The following MID1 variants were observed in gnomAD, a reference collection of about 807,000 sequenced individuals.
MID1 encodes E3 ubiquitin-protein ligase Midline-1.
MID1 carries 7 observed loss-of-function variants against 40.4 expected under a neutral mutation model. The ratio of observed to expected loss-of-function variants is 0.17; its 90% confidence interval spans 0.10 to 0.33. The LOEUF is 0.33. Ranked by LOEUF, MID1 falls within the 10% of genes least tolerant of loss-of-function variation. The pLI is 1.00. For missense variants in MID1, 367 were observed against 558.5 expected, an observed-to-expected ratio of 0.66 and a Z score of 3.46; for synonymous variants, 229 against 221.2, an observed-to-expected ratio of 1.04 and a Z score of -0.31.
intron 1 of MID1, among the ~76,000 whole-genome samples, chrX:10,580,933 T>TA (rs757426965): frequency 0.04 from 2,337 of 58,417 alleles, 67 homozygotes; most frequent in East Asian, 0.11. Context: ...TGGTGTCCTG[T>TA]AAAAAAAAAA....
At chrX:10,785,258 A>C (rs747003471) in intron 1 of MID1, among the ~76,000 whole-genome samples, 1 of 110,096 alleles carries the variant, frequency 9.1e-6, no homozygotes, top group Non-Finnish European at 1.9e-5. Flanking sequence ...CCAACTTACA[A>C]GGGATGTGAA....
intron 1 of MID1, among the ~76,000 whole-genome samples, chrX:10,764,423 C>G (rs918616196): frequency 9.0e-6 from 1 of 111,172 alleles, no homozygotes; most frequent in Non-Finnish European, 1.9e-5. Context: ...TCACCGACAG[C>G]TGGTATAAAC....
At chrX:10,711,102 T>C (rs2043264595) in intron 1 of MID1, among the ~76,000 whole-genome samples, 1 of 111,224 alleles carries the variant, frequency 9.0e-6, no homozygotes, top group Admixed American at 9.6e-5. Flanking sequence ...GAGACAAGAG[T>C]GCATGGTTAT....
intron 1 of MID1, among the ~76,000 whole-genome samples, chrX:10,663,323 C>T (rs914612138): frequency 1.8e-5 from 2 of 110,975 alleles, no homozygotes; most frequent in Non-Finnish European, 3.8e-5. Flanking sequence ...CTTGCAACCA[C>T]TAATTGACTT....
At chrX:10,795,678 T>C (rs925669993) in intron 1 of MID1, among the ~76,000 whole-genome samples, 9 of 112,413 alleles carry the variant, frequency 8.0e-5, no homozygotes, top group African/African-American at 1.9e-4. Flanking sequence ...CTGGTTTTAG[T>C]TGGAAACCAA....
intron 3 of MID1, among the ~76,000 whole-genome samples, chrX:10,498,334 A>C (rs1420002931): frequency 1.8e-5 from 2 of 112,235 alleles, no homozygotes; most frequent in East Asian, 5.6e-4. Context: ...GCTAGTCTCA[A>C]ACTCCCGGGC....
intron 1 of MID1, among the ~76,000 whole-genome samples, chrX:10,661,629 T>G (rs1362220365): frequency 9.0e-6 from 1 of 111,564 alleles, no homozygotes; most frequent in African/African-American, 3.3e-5. Context: ...CTCCAACTAT[T>G]TCATAATAAA....
At chrX:10,510,069 T>C (rs190910940) in intron 3 of MID1, among the ~76,000 whole-genome samples, 1 of 112,235 alleles carries the variant, frequency 8.9e-6, no homozygotes, top group East Asian at 2.8e-4. Context: ...TAATAAATTT[T>C]ATGAAACCAA....
Position 10,452,703 on chromosome X carries a change from A to G in MID1, c.1655+2167T>C, listed in dbSNP as rs1928417663. Among the ~76,000 whole-genome samples, 4 of 112,214 alleles carry G rather than the reference A, an allele frequency of 3.6e-5. No homozygotes were observed. In the South Asian group the frequency reaches 1.5e-3, roughly 41 times the overall value. On this transcript the variant is annotated intron_variant, in intron 9 of 9. Coordinates refer to ENST00000317552, the MANE Select transcript of MID1 (RefSeq NM_000381.4). ...GACTTTCTACATGAAGATTTTTCTG[A>G]AATTGACACCGTCAGGTTTGTAAAG...
chrX:10,472,827 A>G (rs775128024), intron 6 of MID1, among the ~76,000 whole-genome samples: 6 of 112,222 alleles, frequency 5.3e-5, no homozygotes, highest in African/African-American at 1.9e-4. Context: ...GGAGGAAAAA[A>G]GAAAGAGCCT....
At chrX:10,488,942 G>T (rs1930773292) in intron 4 of MID1, among the ~76,000 whole-genome samples, 2 of 110,943 alleles carry the variant, frequency 1.8e-5, no homozygotes, top group African/African-American at 6.6e-5. Context: ...TTGTGATTGT[G>T]TAAGTTAATA....
chrX:10,504,946 C>T (rs181423847), intron 3 of MID1, among the ~76,000 whole-genome samples: 69 of 111,391 alleles, frequency 6.2e-4, no homozygotes, highest in African/African-American at 2.1e-3. Context: ...TTAGCATGAG[C>T]GTCACAGTTT....
intron 1 of MID1, among the ~76,000 whole-genome samples, chrX:10,738,317 C>T (rs1385438315): frequency 8.9e-6 from 1 of 111,910 alleles, no homozygotes; most frequent in African/African-American, 3.3e-5. Flanking sequence ...AGGTTGTAAT[C>T]CTAAAGCAGA....
chrX:10,700,575 T>C (rs1346584596), intron 1 of MID1, among the ~76,000 whole-genome samples: 1 of 111,532 alleles, frequency 9.0e-6, no homozygotes, highest in African/African-American at 3.3e-5. Context: ...AAGAAGACGA[T>C]AGAATAAAAA....
At chrX:10,776,429 C>T (rs1432523847) in intron 1 of MID1, among the ~76,000 whole-genome samples, 2 of 111,834 alleles carry the variant, frequency 1.8e-5, no homozygotes, top group African/African-American at 3.2e-5. Context: ...GTTCTTGCAA[C>T]GGTGATGAAA....
At chrX:10,500,936 G>C (rs1302633079) in intron 3 of MID1, among the ~76,000 whole-genome samples, 3 of 111,903 alleles carry the variant, frequency 2.7e-5, no homozygotes, top group African/African-American at 9.7e-5. Flanking sequence ...GATGTCCAGT[G>C]GTGGGTAATT....
chrX:10,558,823 G>T (rs189353119), intron 2 of MID1, among the ~76,000 whole-genome samples: 1 of 112,722 alleles, frequency 8.9e-6, no homozygotes, highest in Admixed American at 9.4e-5. Context: ...TTAACAAGGT[G>T]CCCAAGAATT....
chrX:10,598,537 AACCC>A (rs1385565226), intron 1 of MID1, among the ~76,000 whole-genome samples: 2 of 112,278 alleles, frequency 1.8e-5, no homozygotes, highest in Non-Finnish European at 3.8e-5. Flanking sequence ...TAATCACATG[AACCC>A]TTAACTGCTG....
At chrX:10,677,660 C>A (rs1276139906) in intron 1 of MID1, 1 of 112,686 alleles carries the variant, frequency 8.9e-6, no homozygotes, top group Non-Finnish European at 1.9e-5. Flanking sequence ...CTTCACACCA[C>A]CAGCTCCACT....
Sources: allele counts gnomAD v4.1 joint callset (sites outside exome capture counted in the v4.1 genomes callset), GRCh38; gene constraint gnomAD v4.1.1; transcripts MANE v1.5; gene names NCBI Gene and HGNC (gene_info 2026-07-23, HGNC 2026-07-21).